Variants in IFT172 observed in about 807,000 individuals in gnomAD.
IFT172 encodes intraflagellar transport 172.
In IFT172, 164 loss-of-function variants were observed where a neutral mutation model predicts 248.9. The ratio of observed to expected loss-of-function variants is 0.66; its 90% confidence interval spans 0.58 to 0.75. IFT172 has a LOEUF of 0.75. Ranked by LOEUF, IFT172 falls within the 30% of genes least tolerant of loss-of-function variation. The probability of loss-of-function intolerance (pLI) is 0.00; values close to 1 mark genes in which losing one functional copy is unlikely to be tolerated. For synonymous variants in IFT172, 729 were observed against 791.6 expected (o/e 0.92, Z 1.33); for missense variants, 1,950 against 2,192.4 (o/e 0.89, Z 2.21).
At chr2:27,480,288 C>A in intron 8 of IFT172, 139 bp from the exon 9 acceptor site, 1 of 1,289,472 alleles carries the variant, frequency 7.8e-7, no homozygotes, top group Non-Finnish European at 1.0e-6. Flanking sequence ...GGCAGTCTAG[C>A]AGAAGAGGAT....
In IFT172 at chr2:27,454,530, G is replaced by C; in HGVS notation, c.3465+37C>G. 6.2e-7 allele frequency: 1 copy of C among 1,611,628 alleles called. No homozygotes were observed. The highest frequency in any genetic ancestry group is 8.5e-7 in the Non-Finnish European group (1 of 1,177,764). On this transcript the variant is annotated intron_variant, in intron 31 of 47. Coordinates refer to ENST00000260570, the MANE Select transcript of IFT172 (RefSeq NM_015662.3). The surrounding 1 kb of genome is among the most constrained non-coding windows in gnomAD (Gnocchi z 4.2). Reference sequence around the variant, plus strand: ...AGCAGTGCACTAGGGGATGGAATAAGAGGGCTCTGCGGTCGGGGTCCAAAT... The same window carrying C: ...AGCAGTGCACTAGGGGATGGAATAACAGGGCTCTGCGGTCGGGGTCCAAAT...
chr2:27,456,551 C>G lies in IFT172; in HGVS notation c.3331G>C (p.Gly1111Arg). The change falls in exon 30 of 48, where the codon GGA becomes CGA. Residue 1111 changes from glycine to arginine, a missense_variant. By Grantham distance (125) the Gly-to-Arg change is moderately radical. This residue lies in a region of IFT172 where 164 missense variants were observed against 239.3 expected (regional missense o/e 0.69). Transcript: ENST00000260570. ...EAAVRLLNKL[G>R]LLEAAVDHAA... ...TGGTCAACAGCAGCTTCCAGGAGTC[C>G]CAGCTTATTAAGCAGTCTAACTGCA... The G allele has an allele frequency of 7.4e-6, 12 of 1,614,066 alleles. No homozygotes were observed. Among genetic ancestry groups the G allele is most frequent in the Non-Finnish European group, 9.3e-6 (11 of 1,180,006 alleles).
intron 30 of IFT172, chr2:27,455,223 G>A (rs531141454): frequency 1.5e-4 from 53 of 343,176 alleles, no homozygotes; most frequent in African/African-American, 6.4e-4. Context: ...AGAGGCAAAC[G>A]GCAGGTCCTT....
At chr2:27,462,642 C>G (rs1448755441) in intron 20 of IFT172, 59 bp downstream of exon 20, 38 of 1,472,600 alleles carry the variant, frequency 2.6e-5, no homozygotes, top group Non-Finnish European at 3.6e-5. Context: ...GTTTGTACCC[C>G]CTTTTCTCTC....
In IFT172 at chr2:27,447,856, C is replaced by G; in HGVS notation, c.4495G>C (p.Ala1499Pro). 6.2e-7 allele frequency: 1 copy of G among 1,613,990 alleles called. No homozygotes were observed. The change falls in exon 41 of 48, where the codon GCC becomes CCC. Residue 1499 changes from alanine to proline, a missense_variant. Around this residue, in one of 3 missense-constraint regions of IFT172, gnomAD observed 620 missense variants for 699.0 expected, o/e 0.89. Transcript: ENST00000260570. Reference protein sequence around the residue: ...VSSPGTNCAEAYHSWADLRDV... With the variant: ...VSSPGTNCAEPYHSWADLRDV... The stretch of plus-strand genomic sequence containing the variant: ...CGAAGATCAGCCCAGCTATGATAGG[C>G]CTCGGCACAGTTGGTTCCAGGAGAG...
chr2:27,469,180 G>A (rs1202338233), intron 16 of IFT172, among the ~76,000 whole-genome samples: 1 of 152,054 alleles, frequency 6.6e-6, no homozygotes, highest in Admixed American at 6.6e-5. Flanking sequence ...GATCACTTGA[G>A]GTCAAGAGTT....
chr2:27,461,768 A>C lies in IFT172; in HGVS notation c.2184T>G (p.Ala728=). Residue 728 remains alanine, a synonymous_variant, in exon 21 of 48, where the codon GCT becomes GCG. Coordinates refer to ENST00000260570, the MANE Select transcript of IFT172 (RefSeq NM_015662.3). ...AAGATAAAACAGGTACCTTGGCTTC[A>C]GCCACAGCGATACACTCATCCCAAC... ...LHRWDECIAV[A]EAKGHPALEK... is the part of the protein sequence containing the mutation. The C allele has an allele frequency of 6.2e-7, 1 of 1,614,188 alleles. No individual in the cohort carries two copies. The highest frequency in any genetic ancestry group is 8.5e-7 in the Non-Finnish European group (1 of 1,180,022).
chr2:27,481,685 T>A (rs1668386580), intron 7 of IFT172, among the ~76,000 whole-genome samples: 1 of 150,940 alleles, frequency 6.6e-6, no homozygotes, highest in Non-Finnish European at 1.5e-5. Flanking sequence ...GGATTACAGG[T>A]GTGTGCCACC....
At chr2:27,447,105 A>G (rs984267702) in intron 42 of IFT172, among the ~76,000 whole-genome samples, 47 of 152,188 alleles carry the variant, frequency 3.1e-4, no homozygotes, top group African/African-American at 1.0e-3. Flanking sequence ...GGCCTCCCAA[A>G]GTGCTGGGAT....
intron 30 of IFT172, among the ~76,000 whole-genome samples, chr2:27,456,307 A>C (rs1388150783): frequency 6.6e-6 from 1 of 152,176 alleles, no homozygotes; most frequent in African/African-American, 2.4e-5. Flanking sequence ...CTAGCTTTAC[A>C]ATCTGTTTCC....
In IFT172 at chr2:27,446,369, C is replaced by A. The variant is rs918818981; in HGVS notation, c.4660-14G>T. The A allele has an allele frequency of 5.6e-6, 9 of 1,613,010 alleles. No individual in the cohort carries two copies. The highest frequency in any genetic ancestry group is 2.2e-5 in the South Asian group (2 of 91,028). On this transcript the variant is annotated splice_polypyrimidine_tract_variant and intron_variant, in intron 42 of 47. Transcript: ENST00000260570. Reference sequence around the variant, plus strand: ...AGCCACGGTTTCCTGGGATTAAAGTCAAAGCATTATGAATATGGCACTAAA... The same window carrying A: ...AGCCACGGTTTCCTGGGATTAAAGTAAAAGCATTATGAATATGGCACTAAA...
At chr2:27,482,829 A>C (rs1668481604) in intron 7 of IFT172, among the ~76,000 whole-genome samples, 1 of 152,042 alleles carries the variant, frequency 6.6e-6, no homozygotes, top group Admixed American at 6.6e-5. Flanking sequence ...TCTTATAAGC[A>C]GTAAGCTCCA....
chr2:27,463,689 G>T (rs1291673525), intron 18 of IFT172, among the ~76,000 whole-genome samples: 1 of 152,084 alleles, frequency 6.6e-6, no homozygotes, highest in South Asian at 2.1e-4. Flanking sequence ...GTTGGTAGTT[G>T]GAGGTCTCTC....
intron 20 of IFT172, among the ~76,000 whole-genome samples, chr2:27,462,373 A>T (rs1666748065): frequency 6.6e-6 from 1 of 152,026 alleles, no homozygotes; most frequent in Admixed American, 6.6e-5. Flanking sequence ...AAATTGTATA[A>T]GCTTCCGGCC....
intron 42 of IFT172, among the ~76,000 whole-genome samples, 153 bp downstream of exon 42, chr2:27,447,362 C>T (rs951115235): frequency 6.6e-6 from 1 of 152,184 alleles, no homozygotes; most frequent in Non-Finnish European, 1.5e-5. Context: ...TCAGCAAGGG[C>T]TAAAGATTTG....
chr2:27,457,849 G>A lies in IFT172; in HGVS notation c.3103C>T (p.Leu1035=), dbSNP rs1029240622. ...CCAGGAGAAGGGCTCACCTTGCCCA[G>A]ATGTAGGTGTGTATCACTGAGGAGA... is the stretch of plus-strand genomic sequence containing the variant. ...PDLLSDTHLH[L]GKELEAEGRL... The change falls in exon 28 of 48, where the codon CTG becomes TTG. Residue 1035 remains leucine (L), a synonymous_variant. Coordinates refer to ENST00000260570, the MANE Select transcript of IFT172 (RefSeq NM_015662.3). 3 of 1,614,046 alleles carry A rather than the reference G, an allele frequency of 1.9e-6. No individual in the cohort carries two copies. In the Admixed American group the frequency reaches 5.0e-5, roughly 27 times the overall value.
intron 16 of IFT172, among the ~76,000 whole-genome samples, chr2:27,467,484 C>T (rs527725475): frequency 1.2e-4 from 16 of 131,196 alleles, no homozygotes; most frequent in African/African-American, 4.0e-4. Flanking sequence ...TAGTGGCATA[C>T]GCCTGTAGTC....
intron 16 of IFT172, among the ~76,000 whole-genome samples, chr2:27,469,647 C>A (rs184693647): frequency 6.6e-6 from 1 of 152,298 alleles, no homozygotes; most frequent in African/African-American, 2.4e-5. Flanking sequence ...GTCTGGCCAA[C>A]ATGGCGAAAC....
At chr2:27,476,760 G>A (rs1667984997) in intron 13 of IFT172, 34 bp from the exon 14 acceptor site, 1 of 1,332,676 alleles carries the variant, frequency 7.5e-7, no homozygotes, top group Non-Finnish European at 1.1e-6. Flanking sequence ...GGCAAAATGG[G>A]CTGAGGTAGT....
Sources: gnomAD v4.1 joint callset for allele counts (sites outside exome capture counted in the v4.1 genomes callset) on GRCh38, gnomAD v4.1.1 for gene constraint, gnomAD v4.1.1 regional missense constraint, Gnocchi (gnomAD v3.1) non-coding constraint, MANE v1.5 for transcripts, NCBI Gene and HGNC (gene_info 2026-07-23, HGNC 2026-07-21) for gene names.